Variants in RHO observed in about 807,000 individuals in gnomAD.
RHO encodes opsin 2, rod pigment.
RHO carries 21 observed loss-of-function variants against 31.2 expected under a neutral mutation model. That is an observed-to-expected ratio of 0.67 (90% CI 0.48 to 0.97). RHO has a LOEUF of 0.97. RHO is among the 50% of genes least tolerant of loss of function. The pLI, the probability that RHO is intolerant of heterozygous loss-of-function variation, is 0.00. For synonymous variants in RHO, 211 were observed against 196.6 expected (o/e 1.07, Z -0.61); for missense variants, 414 against 479.5 (o/e 0.86, Z 1.28).
At chr3:129,530,005 C>G (rs2084767254) in intron 1 of RHO, among the ~76,000 whole-genome samples, 1 of 152,174 alleles carries the variant, frequency 6.6e-6, no homozygotes, top group Admixed American at 6.5e-5. Context: ...TACCGCCAGC[C>G]ACAAGCGTCT....
Position 129,533,629 on chromosome 3 carries a change from A to G in RHO, c.958A>G (p.Thr320Ala). 6.2e-7 allele frequency: 1 copy of G among 1,614,018 alleles called. No homozygotes were observed. Among genetic ancestry groups the G allele is most frequent in the South Asian group, 1.1e-5 (1 of 91,086 alleles). ...NKQFRNCMLT[T>A]ICCGKNPLGD... ...CCAGTTCCGGAACTGCATGCTCACC[A>G]CCATCTGCTGCGGCAAGAACCCACT... The change falls in exon 5 of 5, where the codon ACC becomes GCC. Residue 320 changes from threonine to alanine, a missense_variant. Coordinates refer to ENST00000296271, the MANE Select transcript of RHO (RefSeq NM_000539.3).
chr3:129,530,618 G>C (rs1578279426), intron 1 of RHO, among the ~76,000 whole-genome samples: 2 of 150,032 alleles, frequency 1.3e-5, no homozygotes, highest in Non-Finnish European at 2.9e-5. Flanking sequence ...GATCTGATTC[G>C]TGTCCCTTAT....
Position 129,529,112 on chromosome 3 carries a change from G to A in RHO, c.361+18G>A. 1 of 1,608,060 alleles carries A rather than the reference G, an allele frequency of 6.2e-7. No individual in the cohort carries two copies. The highest frequency in any genetic ancestry group is 8.5e-7 in the Non-Finnish European group (1 of 1,177,248). On this transcript the variant is annotated intron_variant, in intron 1 of 4. Transcript: ENST00000296271. Reference sequence around the variant, plus strand: ...CCTGGGCGGTATGAGCCGGGTGTGGGTGGGGTGTGCAGGAGCCCGGGAGCA... The same window carrying A: ...CCTGGGCGGTATGAGCCGGGTGTGGATGGGGTGTGCAGGAGCCCGGGAGCA...
intron 2 of RHO, among the ~76,000 whole-genome samples, chr3:129,531,637 T>C (rs544155208): frequency 1.3e-5 from 2 of 152,316 alleles, no homozygotes; most frequent in South Asian, 4.1e-4. Context: ...CTTGCTGAAT[T>C]TGAGCCCACC....
intron 1 of RHO, 131 bp downstream of exon 1, chr3:129,529,225 C>G: frequency 8.4e-7 from 1 of 1,195,468 alleles, no homozygotes; most frequent in South Asian, 1.5e-5. Context: ...ATCCAAAGCC[C>G]TCATATATTC....
rs760894205 is a variant in RHO, at chr3:129,531,038, G to T, written c.524G>T (p.Trp175Leu). 3.1e-6 allele frequency: 5 copies of T among 1,613,570 alleles called. No individual in the cohort carries two copies. In the Admixed American group the frequency reaches 8.3e-5, roughly 27 times the overall value. ...LACAAPPLAG[W>L]SRYIPEGLQC... Reference sequence around the variant, plus strand: ...TGCGCCGCACCCCCACTCGCCGGCTGGTCCAGGTAATGGCACTGAGCAGAA... The same window carrying T: ...TGCGCCGCACCCCCACTCGCCGGCTTGTCCAGGTAATGGCACTGAGCAGAA... Residue 175 changes from tryptophan (W) to leucine (L), a missense_variant, in exon 2 of 5, where the codon TGG (tryptophan) becomes TTG (leucine). By Grantham distance (61) the Trp-to-Leu change is moderately conservative. Coordinates refer to ENST00000296271, the MANE Select transcript of RHO (RefSeq NM_000539.3).
At position 129,531,049 on chromosome 3, in the gene RHO, T is replaced by C. The variant is rs759637818; in HGVS notation, c.530+5T>C. ...CCCACTCGCCGGCTGGTCCAGGTAATGGCACTGAGCAGAAGGGAAGAAGCT... is the reference window on the plus strand; with the variant it reads ...CCCACTCGCCGGCTGGTCCAGGTAACGGCACTGAGCAGAAGGGAAGAAGCT... On this transcript the variant is annotated splice_donor_5th_base_variant and intron_variant, in intron 2 of 4. Coordinates refer to ENST00000296271, the MANE Select transcript of RHO (RefSeq NM_000539.3). 28 of 1,613,062 alleles carry C rather than the reference T, an allele frequency of 1.7e-5. No homozygotes were observed. The Middle Eastern group carries it at 4.9e-4, about 29-fold the overall frequency.
chr3:129,532,757 C>G lies in RHO; in HGVS notation c.921C>G (p.Ile307Met), dbSNP rs1238542520. 6.2e-7 allele frequency: 1 copy of G among 1,614,210 alleles called. No individual in the cohort carries two copies. Among genetic ancestry groups the G allele is most frequent in the East Asian group, 2.2e-5 (1 of 44,888 alleles). The change falls in exon 4 of 5, where the codon ATC (isoleucine) becomes ATG (methionine). Residue 307 changes from isoleucine (I) to methionine (M), a missense_variant. Transcript: ENST00000296271. This position sits in a 1 kb window ranked among gnomAD's most constrained non-coding sequence, Gnocchi z 5.5. ...CCATCTACAACCCTGTCATCTATAT[C>G]ATGATGAACAAGCAGGTGCCTACTG... ...SAAIYNPVIY[I>M]MMNKQFRNCM...
At chr3:129,533,587 C>T (rs774698907) in intron 4 of RHO, 21 bp from the exon 5 acceptor site, 2 of 1,586,986 alleles carry the variant, frequency 1.3e-6, no homozygotes, top group Non-Finnish European at 1.7e-6. Flanking sequence ...CTGGCCCTGA[C>T]TCAAGCCTCT....
Position 129,533,914 on chromosome 3 carries a change from C to T in RHO, c.*196C>T, listed in dbSNP as rs112963101. ...CTGGGACAGCCTGAGAAGGGACATC[C>T]ACCAAGACCTACTGATCTGGAGTCC... is the stretch of plus-strand genomic sequence containing the variant. On this transcript the variant is annotated 3_prime_UTR_variant, in exon 5 of 5. Transcript: ENST00000296271. 7.2e-6 allele frequency: 4 copies of T among 553,376 alleles called. No homozygotes were observed. Among genetic ancestry groups the T allele is most frequent in the African/African-American group, 3.8e-5 (2 of 52,888 alleles). 34.3% of individuals were successfully genotyped at this position (553,376 alleles called of 1,614,324 possible). A position where few individuals can be genotyped will look rare whatever the true frequency, so the allele number is the denominator to read the frequency against.
Position 129,532,227 on chromosome 3 carries a change from G to T in RHO, c.531-24G>T, listed in dbSNP as rs1220849092. On this transcript the variant is annotated intron_variant, in intron 2 of 4. Coordinates refer to ENST00000296271, the MANE Select transcript of RHO (RefSeq NM_000539.3). The surrounding 1 kb of genome is among the most constrained non-coding windows in gnomAD (Gnocchi z 5.5). ...TGTTCCCAAGTCCCTCACAGGCAGG[G>T]TCTCCCTACCTGCCTGTCCTCAGGT... The T allele has an allele frequency of 6.2e-6, 10 of 1,608,360 alleles. No individual in the cohort carries two copies. The highest frequency in any genetic ancestry group is 7.7e-6 in the Non-Finnish European group (9 of 1,175,036).
At position 129,532,446 on chromosome 3, in the gene RHO, G is replaced by A. The variant is rs2084787933; in HGVS notation, c.696+30G>A. Reference sequence around the variant, plus strand: ...GGGCCGGGGGGTGGGCGGCCTCACGGCTCTGAGGGTCCAGCCCCCAGCATG... The same window carrying A: ...GGGCCGGGGGGTGGGCGGCCTCACGACTCTGAGGGTCCAGCCCCCAGCATG... On this transcript the variant is annotated intron_variant, in intron 3 of 4. Transcript: ENST00000296271. This position sits in a 1 kb window ranked among gnomAD's most constrained non-coding sequence, Gnocchi z 5.5. 6.2e-7 allele frequency: 1 copy of A among 1,613,756 alleles called. No individual in the cohort carries two copies. Among genetic ancestry groups the A allele is most frequent in the Non-Finnish European group, 8.5e-7 (1 of 1,180,020 alleles).
At chr3:129,530,506 A>AACACACACAC (rs146327704) in intron 1 of RHO, among the ~76,000 whole-genome samples, 1 of 132,258 alleles carries the variant, frequency 7.6e-6, no homozygotes, top group African/African-American at 3.4e-5. Context: ...TCTTCTGCTA[A>AACACACACAC]ACACACACAC....
chr3:129,531,914 G>A (rs1192172974), intron 2 of RHO, among the ~76,000 whole-genome samples: 2 of 152,182 alleles, frequency 1.3e-5, no homozygotes, highest in African/African-American at 2.4e-5. Flanking sequence ...TTCCTCAAAT[G>A]CAGAGCCTGA....
chr3:129,529,278 G>T (rs1321477975), intron 1 of RHO, among the ~76,000 whole-genome samples, 184 bp downstream of exon 1: 3 of 152,248 alleles, frequency 2.0e-5, no homozygotes, highest in Non-Finnish European at 2.9e-5. Flanking sequence ...GCTGCTGTTT[G>T]TGCAGGGCTG....
chr3:129,533,021 T>G (rs754963794), intron 4 of RHO, among the ~76,000 whole-genome samples: 11 of 152,140 alleles, frequency 7.2e-5, no homozygotes, highest in Non-Finnish European at 1.5e-4. Context: ...AGATGCTCAC[T>G]CAGGTGGGAG....
chr3:129,532,074 A>G lies in RHO; in HGVS notation c.531-177A>G, dbSNP rs2084784348. Reference sequence around the variant, plus strand: ...ACAATGAAGCGACACTGATTCCACAAGGTGCATCTGCATCCCCATCTGATC... The same window carrying G: ...ACAATGAAGCGACACTGATTCCACAGGGTGCATCTGCATCCCCATCTGATC... On this transcript the variant is annotated intron_variant, in intron 2 of 4. Transcript: ENST00000296271. The surrounding 1 kb of genome is among the most constrained non-coding windows in gnomAD (Gnocchi z 5.5). Among the ~76,000 whole-genome samples the G allele has an allele frequency of 6.6e-6, 1 of 152,160 alleles. No individual in the cohort carries two copies. Among genetic ancestry groups the G allele is most frequent in the Non-Finnish European group, 1.5e-5 (1 of 68,038 alleles).
At position 129,532,568 on chromosome 3, in the gene RHO, G is replaced by A. The variant is rs148222991; in HGVS notation, c.732G>A (p.Gln244=). 1.6e-5 allele frequency: 26 copies of A among 1,614,064 alleles called. No homozygotes were observed. The Middle Eastern group carries it at 4.9e-4, about 31-fold the overall frequency. ...AAQQQESATT[Q]KAEKEVTRMV... ...AGCAGCAGGAGTCAGCCACCACACA[G>A]AAGGCAGAGAAGGAGGTCACCCGCA... Residue 244 remains glutamine, a synonymous_variant, in exon 4 of 5, where the codon CAG becomes CAA. Coordinates refer to ENST00000296271, the MANE Select transcript of RHO (RefSeq NM_000539.3). The surrounding 1 kb of genome is among the most constrained non-coding windows in gnomAD (Gnocchi z 5.5).
Position 129,532,413 on chromosome 3 carries a change from G to A in RHO, c.693G>A (p.Lys231=), listed in dbSNP as rs1248295015. The change falls in exon 3 of 5, where the codon AAG becomes AAA. Residue 231 remains lysine, a synonymous_variant. Coordinates refer to ENST00000296271, the MANE Select transcript of RHO (RefSeq NM_000539.3). This position sits in a 1 kb window ranked among gnomAD's most constrained non-coding sequence, Gnocchi z 5.5. Reference sequence around the variant, plus strand: ...ATGGGCAGCTCGTCTTCACCGTCAAGGAGGTACGGGCCGGGGGGTGGGCGG... The same window carrying A: ...ATGGGCAGCTCGTCTTCACCGTCAAAGAGGTACGGGCCGGGGGGTGGGCGG... The part of the protein sequence containing the change: ...FCYGQLVFTV[K]EAAAQQQESA... The A allele has an allele frequency of 5.0e-6, 8 of 1,614,040 alleles. No individual in the cohort carries two copies. The South Asian group carries it at 8.8e-5, about 18-fold the overall frequency.
Sources: gnomAD v4.1 joint callset for allele counts (sites outside exome capture counted in the v4.1 genomes callset) on GRCh38, gnomAD v4.1.1 for gene constraint, Gnocchi (gnomAD v3.1) non-coding constraint, MANE v1.5 for transcripts, NCBI Gene and HGNC (gene_info 2026-07-23, HGNC 2026-07-21) for gene names.